Variants in ATP2C1 observed in about 807,000 individuals in gnomAD.
ATP2C1 encodes the protein calcium-transporting ATPase type 2C member 1.
In ATP2C1, 31 loss-of-function variants were observed where a neutral mutation model predicts 120.5. That is an observed-to-expected ratio of 0.26 (90% CI 0.19 to 0.35). The LOEUF (loss-of-function observed/expected upper bound fraction) is 0.35. ATP2C1 is among the 10% of genes least tolerant of loss of function. The pLI, the probability that ATP2C1 is intolerant of heterozygous loss-of-function variation, is 1.00. For synonymous variants in ATP2C1, 351 were observed against 358.7 expected (o/e 0.98, Z 0.24); for missense variants, 731 against 1,107.5 (o/e 0.66, Z 4.83).
chr3:130,938,089 G>A (rs141941151), intron 6 of ATP2C1, among the ~76,000 whole-genome samples: 13 of 152,282 alleles, frequency 8.5e-5, no homozygotes, highest in African/African-American at 2.4e-4. Context: ...TCCACAAAAG[G>A]GGTGTTGTGA....
At chr3:130,915,982 A>G (rs1425261660) in intron 2 of ATP2C1, among the ~76,000 whole-genome samples, 1 of 152,256 alleles carries the variant, frequency 6.6e-6, no homozygotes, top group East Asian at 1.9e-4. Context: ...GAAGGGCAGC[A>G]TTACTGGGAC....
chr3:130,997,650 C>T lies in ATP2C1; in HGVS notation c.2288C>T (p.Pro763Leu). 1 of 1,613,642 alleles carries T rather than the reference C, an allele frequency of 6.2e-7. No individual in the cohort carries two copies. Among genetic ancestry groups the T allele is most frequent in the Non-Finnish European group, 8.5e-7 (1 of 1,179,714 alleles). The stretch of plus-strand genomic sequence containing the variant: ...GATAAAGATGTCATTCGTAAACCTC[C>T]TCGCAACTGGAAAGACAGCATTTTG... ...PVDKDVIRKP[P>L]RNWKDSILTK... The change falls in exon 25 of 28, where the codon CCT (proline) becomes CTT (leucine). Residue 763 changes from proline (P) to leucine (L), a missense_variant. Transcript: ENST00000510168.
At chr3:130,871,599 T>C (rs2068431048) in intron 1 of ATP2C1, among the ~76,000 whole-genome samples, 1 of 152,374 alleles carries the variant, frequency 6.6e-6, no homozygotes, top group East Asian at 1.9e-4. Context: ...ATAGCATGTA[T>C]GCTGCTTAGA....
At chr3:130,908,854 G>A (rs972357178) in intron 2 of ATP2C1, among the ~76,000 whole-genome samples, 1 of 152,012 alleles carries the variant, frequency 6.6e-6, no homozygotes, top group East Asian at 1.9e-4. Context: ...TGTGGAAAAT[G>A]GATTAGAATT....
chr3:130,930,567 G>A (rs2059408884), intron 3 of ATP2C1, 41 bp downstream of exon 3: 1 of 1,249,082 alleles, frequency 8.0e-7, no homozygotes, highest in Non-Finnish European at 1.2e-6. Flanking sequence ...ATGGTGTAAA[G>A]TCAGTCACTT....
At chr3:130,891,739 T>C (rs190724788), upstream of ATP2C1, among the ~76,000 whole-genome samples, 15 of 152,320 alleles carry the variant, frequency 9.8e-5, no homozygotes, top group Admixed American at 7.8e-4. Flanking sequence ...CTTACAAAAA[T>C]CTTTTGAAAG....
At chr3:130,956,542 C>T (rs1220719845) in intron 11 of ATP2C1, among the ~76,000 whole-genome samples, 1 of 151,036 alleles carries the variant, frequency 6.6e-6, no homozygotes, top group East Asian at 1.9e-4. Context: ...GTATAGTTTT[C>T]TATTTTGTGG....
chr3:130,998,241 T>G (rs905366673), intron 25 of ATP2C1, 53 bp from the exon 26 acceptor site: 5 of 1,169,036 alleles, frequency 4.3e-6, no homozygotes, highest in Admixed American at 1.7e-5. Flanking sequence ...AAGCAGCGAT[T>G]TATCCATTAA....
chr3:130,959,887 A>G (rs1383019409), intron 12 of ATP2C1, among the ~76,000 whole-genome samples: 1 of 152,156 alleles, frequency 6.6e-6, no homozygotes, highest in East Asian at 1.9e-4. Context: ...CTCCCCCCAA[A>G]AAGAGTAAAA....
exon 1 of ATP2C1, chr3:130,850,768 C>A: frequency 1.2e-6 from 1 of 855,576 alleles, no homozygotes; most frequent in South Asian, 2.3e-5. Context: ...TTTCTAATTT[C>A]ATATGGTTGC....
At chr3:130,964,757 T>G (rs1369835157) in intron 13 of ATP2C1, among the ~76,000 whole-genome samples, 191 bp from the exon 14 acceptor site, 2 of 152,130 alleles carry the variant, frequency 1.3e-5, no homozygotes, top group Non-Finnish European at 2.9e-5. Context: ...TAATTTTTAT[T>G]TTTAATTTCA....
At position 130,944,938 on chromosome 3, in the gene ATP2C1, T is replaced by C. The variant is rs141435204; in HGVS notation, c.531+3239T>C. On this transcript the variant is annotated intron_variant, in intron 8 of 27. Transcript: ENST00000510168. ...CTTTAATTCATCTCTAGATTACTTA[T>C]AACTCCTAATAAAATATAAATGCTA... 3.9e-5 allele frequency among the ~76,000 whole-genome samples: 6 copies of C among 152,366 alleles called. No homozygotes were observed. The East Asian group carries it at 1.2e-3, about 29-fold the overall frequency.
chr3:130,870,951 C>T (rs2068409136), intron 1 of ATP2C1, among the ~76,000 whole-genome samples: 1 of 152,166 alleles, frequency 6.6e-6, no homozygotes, highest in African/African-American at 2.4e-5. Context: ...ATTGCCACCG[C>T]CACTTCAACT....
intron 1 of ATP2C1, among the ~76,000 whole-genome samples, chr3:130,863,840 T>C (rs2068088328): frequency 6.6e-6 from 1 of 152,254 alleles, no homozygotes; most frequent in African/African-American, 2.4e-5. Context: ...TCCGCCATGA[T>C]TCCAAGGTCT....
At chr3:130,987,933 C>T (rs1577004062) in intron 20 of ATP2C1, among the ~76,000 whole-genome samples, 5 of 152,238 alleles carry the variant, frequency 3.3e-5, no homozygotes, top group Admixed American at 3.3e-4. Flanking sequence ...CAGTGTTTTC[C>T]ATTTATGACT....
chr3:130,964,813 C>A, intron 13 of ATP2C1, 135 bp from the exon 14 acceptor site: 1 of 630,506 alleles, frequency 1.6e-6, no homozygotes, highest in South Asian at 2.0e-5. Flanking sequence ...AGAAGTTAAT[C>A]TAAAATTAAC....
intron 26 of ATP2C1, among the ~76,000 whole-genome samples, chr3:130,999,027 C>T (rs1159273125): frequency 6.6e-6 from 1 of 152,164 alleles, no homozygotes; most frequent in Non-Finnish European, 1.5e-5. Flanking sequence ...TTACCATTTG[C>T]CATGCTGGAA....
chr3:130,897,185 G>A (rs959732877), intron 2 of ATP2C1, among the ~76,000 whole-genome samples: 2 of 152,208 alleles, frequency 1.3e-5, no homozygotes, highest in Non-Finnish European at 2.9e-5. Context: ...GTCATTGTTA[G>A]TTGAGGGATA....
intron 2 of ATP2C1, among the ~76,000 whole-genome samples, chr3:130,906,487 G>A (rs1433159214): frequency 6.6e-6 from 1 of 151,974 alleles, no homozygotes; most frequent in Non-Finnish European, 1.5e-5. Flanking sequence ...TCATGTATGG[G>A]TTTTTGTGTA....
Sources: allele counts gnomAD v4.1 joint callset (sites outside exome capture counted in the v4.1 genomes callset), GRCh38; gene constraint gnomAD v4.1.1; transcripts MANE v1.5; gene names NCBI Gene and HGNC (gene_info 2026-07-23, HGNC 2026-07-21).